The following RBFOX1 variants were observed in gnomAD, a reference collection of about 807,000 sequenced individuals.
RBFOX1 encodes RNA binding fox-1 homolog 1, also known as RNA binding protein fox-1 homolog 1.
RBFOX1 carries 8 observed loss-of-function variants against 57.7 expected under a neutral mutation model. That is an observed-to-expected ratio of 0.14 (90% confidence interval 0.08 to 0.25). The LOEUF (loss-of-function observed/expected upper bound fraction) is 0.25, where lower values mean the gene tolerates loss of function less well. Ranked by LOEUF, RBFOX1 falls within the 10% of genes least tolerant of loss-of-function variation. The pLI is 1.00. For missense variants in RBFOX1, 611 were observed against 548.5 expected, an observed-to-expected ratio of 1.11 and a Z score of -1.14; for synonymous variants, 326 against 222.4, an observed-to-expected ratio of 1.47 and a Z score of -4.15.
chr16:6,609,197 C>T (rs766230037), intron 2 of RBFOX1, among the ~76,000 whole-genome samples: 1 of 152,184 alleles, frequency 6.6e-6, no homozygotes. Context: ...TTAGGGGCCA[C>T]AATTCTGCCT....
At chr16:5,641,018 C>T (rs1274716688) in intron 3 of RBFOX1, among the ~76,000 whole-genome samples, 1 of 151,592 alleles carries the variant, frequency 6.6e-6, no homozygotes, top group East Asian at 1.9e-4. Context: ...CATACATGCA[C>T]ACCATGCATA....
At position 6,064,218 on chromosome 16, in the gene RBFOX1, A is replaced by G. The variant is rs79311480; in HGVS notation, c.-127+44226A>G. Among the ~76,000 whole-genome samples the G allele has an allele frequency of 8.0e-3, 1,211 of 152,284 alleles. 8 individuals carry two copies. Among genetic ancestry groups the G allele is most frequent in the Non-Finnish European group, 0.014 (922 of 68,024 alleles). Reference sequence around the variant, plus strand: ...AAAGGGGTTGAAAGAGATGACCTATACGTTCTTTAAAAATCTGAAGCCCTA... The same window carrying G: ...AAAGGGGTTGAAAGAGATGACCTATGCGTTCTTTAAAAATCTGAAGCCCTA... On this transcript the variant is annotated intron_variant, in intron 1 of 15. Coordinates refer to ENST00000550418, the MANE Select transcript of RBFOX1 (RefSeq NM_018723.4).
At chr16:6,188,343 A>AT (rs965870979) in intron 1 of RBFOX1, among the ~76,000 whole-genome samples, 9 of 151,150 alleles carry the variant, frequency 6.0e-5, no homozygotes, top group African/African-American at 1.9e-4. Context: ...AAAAAAAAAA[A>AT]TTTTCTCCAG....
chr16:6,913,698 G>T lies in RBFOX1; in HGVS notation c.-15-138359G>T, dbSNP rs182887991. ...GTAGACCTGGCTCCTTGCCTAGCTGGGCCAGGCTCTGTCCTCCCCTGCGTA... is the reference window on the plus strand; with the variant it reads ...GTAGACCTGGCTCCTTGCCTAGCTGTGCCAGGCTCTGTCCTCCCCTGCGTA... On this transcript the variant is annotated intron_variant, in intron 3 of 15. Transcript: ENST00000550418. Among the ~76,000 whole-genome samples the T allele has an allele frequency of 2.2e-3, 332 of 152,248 alleles. 1 individual carries two copies. Among genetic ancestry groups the T allele is most frequent in the African/African-American group, 7.3e-3 (303 of 41,556 alleles).
intron 2 of RBFOX1, among the ~76,000 whole-genome samples, chr16:6,418,196 A>C (rs768477142): frequency 4.6e-5 from 7 of 152,130 alleles, no homozygotes; most frequent in Non-Finnish European, 8.8e-5. Context: ...TATTTTACCG[A>C]AGGGTAGCTG....
intron 4 of RBFOX1, among the ~76,000 whole-genome samples, chr16:7,137,033 A>G (rs1033629002): frequency 1.3e-5 from 2 of 152,210 alleles, no homozygotes; most frequent in African/African-American, 4.8e-5. Context: ...CTGGACACTA[A>G]GTTCCTATTT....
chr16:6,952,253 T>C (rs2080919755), intron 3 of RBFOX1, among the ~76,000 whole-genome samples: 1 of 152,208 alleles, frequency 6.6e-6, no homozygotes, highest in Admixed American at 6.5e-5. Context: ...TACGTTTCTG[T>C]AGATTTCTGG....
chr16:6,116,613 C>A (rs769755971), intron 1 of RBFOX1, among the ~76,000 whole-genome samples: 1 of 152,154 alleles, frequency 6.6e-6, no homozygotes, highest in Non-Finnish European at 1.5e-5. Flanking sequence ...ACTTCTGAAG[C>A]TAAAAATATC....
intron 2 of RBFOX1, among the ~76,000 whole-genome samples, chr16:6,514,299 T>A (rs2096324042): frequency 6.6e-6 from 1 of 152,200 alleles, no homozygotes; most frequent in Non-Finnish European, 1.5e-5. Flanking sequence ...CATATTCATC[T>A]GAATCTGGCT....
chr16:5,418,080 T>TCAACAACAACAACAA (rs58380992), intron 1 of RBFOX1, among the ~76,000 whole-genome samples: 182 of 150,988 alleles, frequency 1.2e-3, no homozygotes, highest in Non-Finnish European at 1.8e-3. Flanking sequence ...AAACTCCATC[T>TCAACAACAACAACAA]CAACAACAAC....
At chr16:6,961,991 C>T (rs547898249) in intron 3 of RBFOX1, among the ~76,000 whole-genome samples, 5 of 152,112 alleles carry the variant, frequency 3.3e-5, no homozygotes, top group Non-Finnish European at 5.9e-5. Context: ...CATGGGAATA[C>T]AGCTCAGTAG....
At chr16:7,652,880 G>C (rs761111770) in intron 11 of RBFOX1, among the ~76,000 whole-genome samples, 1 of 152,198 alleles carries the variant, frequency 6.6e-6, no homozygotes, top group Non-Finnish European at 1.5e-5. Flanking sequence ...ACATGTGTCA[G>C]TGGGAATACT....
chr16:6,999,104 G>C (rs2092532211), intron 3 of RBFOX1, among the ~76,000 whole-genome samples: 1 of 150,238 alleles, frequency 6.7e-6, no homozygotes, highest in African/African-American at 2.4e-5. Flanking sequence ...CCTGACTTCA[G>C]GTGATCCGCC....
intron 2 of RBFOX1, chr16:5,598,894 T>A: frequency 6.7e-7 from 1 of 1,497,952 alleles, no homozygotes; most frequent in Non-Finnish European, 8.8e-7. Context: ...TTGTTTGTTT[T>A]TTGCCAGGAC....
At chr16:5,353,476 C>A (rs1035613231) in intron 1 of RBFOX1, among the ~76,000 whole-genome samples, 1 of 151,620 alleles carries the variant, frequency 6.6e-6, no homozygotes, top group African/African-American at 2.4e-5. Flanking sequence ...CATTTTTAAA[C>A]AGTCCAGTTC....
At chr16:6,591,212 A>C (rs1308386465) in intron 2 of RBFOX1, among the ~76,000 whole-genome samples, 1 of 152,156 alleles carries the variant, frequency 6.6e-6, no homozygotes, top group Non-Finnish European at 1.5e-5. Context: ...TTGGGAGGCC[A>C]AGGAGGGTGG....
At chr16:7,491,720 T>G (rs1240695402) in intron 4 of RBFOX1, among the ~76,000 whole-genome samples, 2 of 152,132 alleles carry the variant, frequency 1.3e-5, no homozygotes, top group Non-Finnish European at 2.9e-5. Flanking sequence ...AGCCTCAAAC[T>G]CCTGGGCTCA....
chr16:5,689,805 C>A (rs78967401), intron 3 of RBFOX1, among the ~76,000 whole-genome samples: 25 of 146,262 alleles, frequency 1.7e-4, no homozygotes, highest in South Asian at 4.3e-4. Flanking sequence ...AAATACAGAC[C>A]AAAAAAAAAA....
intron 1 of RBFOX1, among the ~76,000 whole-genome samples, chr16:6,061,941 C>G (rs1276786073): frequency 6.6e-6 from 1 of 152,164 alleles, no homozygotes; most frequent in Non-Finnish European, 1.5e-5. Flanking sequence ...AGTTGGAAGC[C>G]TCAGGTTGTG....
Sources: gnomAD v4.1 joint callset for allele counts (sites outside exome capture counted in the v4.1 genomes callset) on GRCh38, gnomAD v4.1.1 for gene constraint, MANE v1.5 for transcripts, NCBI Gene and HGNC (gene_info 2026-07-23, HGNC 2026-07-21) for gene names.